Variants in TBC1D1 observed in about 807,000 individuals in gnomAD.
TBC1D1 encodes the protein TBC1 (tre-2/USP6, BUB2, cdc16) domain family, member 1.
A neutral mutation model predicts 125.6 loss-of-function variants in TBC1D1; 89 were observed. The ratio of observed to expected loss-of-function variants is 0.71; its 90% CI spans 0.60 to 0.85. TBC1D1 has a LOEUF of 0.85. Ranked by LOEUF, TBC1D1 falls within the 40% of genes least tolerant of loss-of-function variation. The pLI is 0.00. For synonymous variants in TBC1D1, 565 were observed against 564.1 expected (o/e 1.00, Z -0.02); for missense variants, 1,377 against 1,469.2 (o/e 0.94, Z 1.03).
chr4:37,929,192 C>T (rs13148301), intron 2 of TBC1D1, among the ~76,000 whole-genome samples: 77,455 of 152,052 alleles, frequency 0.51, 20,382 homozygotes, highest in East Asian at 0.82. Context: ...TTTAAATAGC[C>T]AGTCTAGCAT....
At chr4:38,114,352 AC>A (rs1236808147) in intron 15 of TBC1D1, among the ~76,000 whole-genome samples, 1 of 152,202 alleles carries the variant, frequency 6.6e-6, no homozygotes, top group Non-Finnish European at 1.5e-5. Flanking sequence ...TGGTTAGGAG[AC>A]CGTAGCTTTC....
At chr4:38,034,466 T>C (rs925027280) in intron 7 of TBC1D1, among the ~76,000 whole-genome samples, 1 of 152,250 alleles carries the variant, frequency 6.6e-6, no homozygotes, top group Non-Finnish European at 1.5e-5. Context: ...TTACCTTTAA[T>C]CTTTTTCGTT....
chr4:38,120,076 T>C (rs1204071088), intron 17 of TBC1D1: 5 of 985,348 alleles, frequency 5.1e-6, no homozygotes, highest in Non-Finnish European at 6.0e-6. Context: ...CTCACTCTAA[T>C]GACTTCATAA....
intron 6 of TBC1D1, 72 bp from the exon 7 acceptor site, chr4:38,027,716 G>T: frequency 1.2e-6 from 1 of 837,864 alleles, no homozygotes; most frequent in Non-Finnish European, 2.0e-6. Flanking sequence ...GGATGTGTGT[G>T]GAAGAGGTTA....
chr4:38,048,542 T>G (rs1749897442), intron 10 of TBC1D1, among the ~76,000 whole-genome samples: 1 of 100,650 alleles, frequency 9.9e-6, no homozygotes. Flanking sequence ...AACACATTTC[T>G]TTTTTTTTTT....
At chr4:38,112,209 G>A (rs1335383097) in intron 15 of TBC1D1, 4 of 447,094 alleles carry the variant, frequency 8.9e-6, no homozygotes, top group Non-Finnish European at 3.0e-6. Flanking sequence ...CTACCTGCTT[G>A]TGAGTTCCAA....
At chr4:37,924,356 AT>A (rs1382696008) in intron 2 of TBC1D1, among the ~76,000 whole-genome samples, 1 of 152,186 alleles carries the variant, frequency 6.6e-6, no homozygotes, top group East Asian at 1.9e-4. Flanking sequence ...CACTAACCCA[AT>A]ACTTTTTTGT....
chr4:38,081,438 G>A (rs993825963), intron 12 of TBC1D1, among the ~76,000 whole-genome samples: 1 of 151,810 alleles, frequency 6.6e-6, no homozygotes, highest in East Asian at 1.9e-4. Flanking sequence ...ACAGCAAGAC[G>A]GTGACCCCGG....
At chr4:38,105,004 C>G (rs1296836052) in intron 15 of TBC1D1, among the ~76,000 whole-genome samples, 1 of 152,086 alleles carries the variant, frequency 6.6e-6, no homozygotes, top group Admixed American at 6.5e-5. Context: ...ATCCTCCCGC[C>G]TTGGCCTCTC....
At chr4:38,016,034 TTGAC>T (rs1252374441) in intron 3 of TBC1D1, among the ~76,000 whole-genome samples, 5 of 152,180 alleles carry the variant, frequency 3.3e-5, no homozygotes, top group Non-Finnish European at 7.3e-5. Flanking sequence ...TACTGACTGT[TTGAC>T]TGCTGTGCTA....
At position 38,032,547 on chromosome 4, in the gene TBC1D1, T is replaced by C. The variant is rs117940049; in HGVS notation, c.1303-3041T>C. On this transcript the variant is annotated intron_variant, in intron 7 of 19. Coordinates refer to ENST00000261439, the MANE Select transcript of TBC1D1 (RefSeq NM_015173.4). ...AAGTTAAATCACCTTTAAGAAATAA[T>C]GATTTGGCCCAGAGCAGTGGCTCAC... Among the ~76,000 whole-genome samples the C allele has an allele frequency of 6.6e-4, 101 of 152,158 alleles. 2 individuals are homozygous for C. In the East Asian group the frequency reaches 0.017, roughly 25 times the overall value.
chr4:38,067,688 A>G (rs1210851507), intron 12 of TBC1D1, among the ~76,000 whole-genome samples: 1 of 152,198 alleles, frequency 6.6e-6, no homozygotes, highest in Non-Finnish European at 1.5e-5. Flanking sequence ...AGAAACCCAT[A>G]TGGACCACAT....
chr4:38,098,358 C>T (rs1025204151), intron 14 of TBC1D1, among the ~76,000 whole-genome samples: 1 of 152,182 alleles, frequency 6.6e-6, no homozygotes, highest in African/African-American at 2.4e-5. Context: ...TTTGCTTCTG[C>T]GAAAGGCAAA....
At chr4:38,065,870 G>T (rs942320119) in intron 12 of TBC1D1, among the ~76,000 whole-genome samples, 1 of 152,124 alleles carries the variant, frequency 6.6e-6, no homozygotes, top group Non-Finnish European at 1.5e-5. Flanking sequence ...GGCTGGTCTC[G>T]AACTCCTGAC....
chr4:37,918,277 CAAAA>C (rs1720132686), intron 2 of TBC1D1, among the ~76,000 whole-genome samples: 1 of 152,004 alleles, frequency 6.6e-6, no homozygotes, highest in African/African-American at 2.4e-5. Context: ...TTTACAATGA[CAAAA>C]AGAAAAGAAA....
intron 2 of TBC1D1, among the ~76,000 whole-genome samples, chr4:37,984,746 G>T (rs1182540261): frequency 6.6e-6 from 1 of 151,596 alleles, no homozygotes; most frequent in Non-Finnish European, 1.5e-5. Context: ...GGGAGGCTGA[G>T]GCACGAGAAT....
At chr4:38,088,629 C>T (rs988964451) in intron 12 of TBC1D1, among the ~76,000 whole-genome samples, 1 of 152,038 alleles carries the variant, frequency 6.6e-6, no homozygotes, top group African/African-American at 2.4e-5. Context: ...GATATGATAG[C>T]AAACAATAAG....
chr4:37,979,521 C>A (rs925436614), intron 2 of TBC1D1, among the ~76,000 whole-genome samples: 12 of 152,272 alleles, frequency 7.9e-5, no homozygotes, highest in East Asian at 3.9e-4. Flanking sequence ...ATCCTAAAGA[C>A]AAAGACAAAA....
intron 2 of TBC1D1, among the ~76,000 whole-genome samples, chr4:37,973,393 GT>G (rs138529637): frequency 0.016 from 2,421 of 152,252 alleles, 65 homozygotes; most frequent in African/African-American, 0.056. Context: ...GATTTGGCCT[GT>G]TTTTTTGCAA....
Sources: allele counts gnomAD v4.1 joint callset (sites outside exome capture counted in the v4.1 genomes callset), GRCh38; gene constraint gnomAD v4.1.1; transcripts MANE v1.5; gene names NCBI Gene and HGNC (gene_info 2026-07-23, HGNC 2026-07-21).